Variants in ASIC2 observed in about 807,000 individuals in gnomAD.
ASIC2 encodes the protein acid-sensing ion channel 2.
In ASIC2, 25 loss-of-function variants were observed where a neutral mutation model predicts 57.3. That is an observed-to-expected ratio of 0.44 (90% confidence interval 0.32 to 0.61). ASIC2 has a LOEUF of 0.61. ASIC2 is among the 20% of genes least tolerant of loss of function. ASIC2 has a pLI of 0.06. For synonymous variants in ASIC2, 319 were observed against 307.5 expected, an observed-to-expected ratio of 1.04 and a Z score of -0.39; for missense variants, 641 against 738.1, an observed-to-expected ratio of 0.87 and a Z score of 1.52.
At chr17:33,369,822 C>T (rs1328025621) in intron 1 of ASIC2, among the ~76,000 whole-genome samples, 1 of 152,120 alleles carries the variant, frequency 6.6e-6, no homozygotes, top group African/African-American at 2.4e-5. Flanking sequence ...TGAGTTATGC[C>T]TCTTCTGTGA....
chr17:33,061,147 C>T (rs1369003415), intron 3 of ASIC2, among the ~76,000 whole-genome samples: 1 of 152,136 alleles, frequency 6.6e-6, no homozygotes, highest in Non-Finnish European at 1.5e-5. Flanking sequence ...ATTGAATACC[C>T]TTTATTTCTT....
At chr17:34,138,939 T>C (rs1027003465) in intron 1 of ASIC2, among the ~76,000 whole-genome samples, 6 of 152,244 alleles carry the variant, frequency 3.9e-5, no homozygotes, top group Admixed American at 2.6e-4. Context: ...CTTGCTTACA[T>C]AGGAGGAACT....
At chr17:33,154,691 A>G (rs1904929923) in intron 1 of ASIC2, among the ~76,000 whole-genome samples, 1 of 152,218 alleles carries the variant, frequency 6.6e-6, no homozygotes, top group South Asian at 2.1e-4. Context: ...ACACAGCTGT[A>G]GGTAACTAAG....
intron 1 of ASIC2, among the ~76,000 whole-genome samples, chr17:33,415,918 G>A (rs187495484): frequency 1.8e-4 from 27 of 152,300 alleles, no homozygotes; most frequent in Admixed American, 5.2e-4. Context: ...TGGGCCTGGC[G>A]GAGGCAGTGG....
intron 1 of ASIC2, among the ~76,000 whole-genome samples, chr17:33,442,739 C>CTT (rs1911869769): frequency 6.7e-6 from 1 of 150,186 alleles, no homozygotes. Flanking sequence ...GTTTTTTTTT[C>CTT]TCTGTGTTTC....
chr17:33,335,751 T>C (rs1245247308), intron 1 of ASIC2, among the ~76,000 whole-genome samples: 1 of 152,298 alleles, frequency 6.6e-6, no homozygotes, highest in East Asian at 1.9e-4. Context: ...AACGTGAGGA[T>C]GTCCGAGGTC....
At chr17:33,787,267 T>A (rs926151794) in intron 1 of ASIC2, among the ~76,000 whole-genome samples, 13 of 152,366 alleles carry the variant, frequency 8.5e-5, no homozygotes, top group Non-Finnish European at 1.6e-4. Flanking sequence ...TATTACTACC[T>A]TTTTGGAGGC....
intron 1 of ASIC2, among the ~76,000 whole-genome samples, chr17:33,136,663 C>T (rs1263403745): frequency 6.6e-6 from 1 of 152,180 alleles, no homozygotes; most frequent in Non-Finnish European, 1.5e-5. Context: ...GAAGAAGGGG[C>T]AAAATACTTA....
intron 1 of ASIC2, among the ~76,000 whole-genome samples, chr17:33,498,646 CA>C (rs761603298): frequency 3.9e-5 from 6 of 152,204 alleles, no homozygotes; most frequent in Non-Finnish European, 8.8e-5. Flanking sequence ...CTGGTCCCGG[CA>C]CTGCGCTGGG....
At chr17:33,249,526 G>C (rs893224615) in intron 1 of ASIC2, among the ~76,000 whole-genome samples, 1 of 152,172 alleles carries the variant, frequency 6.6e-6, no homozygotes, top group East Asian at 1.9e-4. Context: ...GTCTCCGCAG[G>C]AGTGAGCCCT....
At chr17:33,598,067 A>G (rs1310163150) in intron 1 of ASIC2, among the ~76,000 whole-genome samples, 1 of 152,186 alleles carries the variant, frequency 6.6e-6, no homozygotes, top group Non-Finnish European at 1.5e-5. Flanking sequence ...AAAAGAAGAA[A>G]CCACAATGAC....
chr17:33,642,303 C>CAGAG (rs1037742330), intron 1 of ASIC2, among the ~76,000 whole-genome samples: 13 of 151,310 alleles, frequency 8.6e-5, no homozygotes, highest in Non-Finnish European at 1.9e-4. Context: ...AGGCAAGGGG[C>CAGAG]AGAGGACACT....
intron 8 of ASIC2, among the ~76,000 whole-genome samples, chr17:33,016,580 G>A (rs2091806907): frequency 6.6e-6 from 1 of 152,112 alleles, no homozygotes; most frequent in Non-Finnish European, 1.5e-5. Flanking sequence ...AATAAACAAA[G>A]CAGAATAAAA....
At chr17:33,576,201 T>C (rs1013071781) in intron 1 of ASIC2, among the ~76,000 whole-genome samples, 1 of 152,184 alleles carries the variant, frequency 6.6e-6, no homozygotes, top group African/African-American at 2.4e-5. Context: ...CTGTTGTGCA[T>C]GACTAGATCG....
chr17:33,219,599 C>T (rs185800683), intron 1 of ASIC2, among the ~76,000 whole-genome samples: 14 of 152,234 alleles, frequency 9.2e-5, no homozygotes, highest in African/African-American at 2.6e-4. Flanking sequence ...CTTTAAAGCC[C>T]GTAGTCTTAA....
At chr17:33,463,120 G>A (rs544185412) in intron 1 of ASIC2, among the ~76,000 whole-genome samples, 59 of 152,260 alleles carry the variant, frequency 3.9e-4, no homozygotes, top group African/African-American at 1.4e-3. Flanking sequence ...TTGAATTATA[G>A]TCTCAGATTG....
intron 1 of ASIC2, among the ~76,000 whole-genome samples, chr17:33,746,273 C>A (rs868428401): frequency 2.7e-5 from 4 of 149,772 alleles, no homozygotes; most frequent in Non-Finnish European, 5.9e-5. Flanking sequence ...TATATACATA[C>A]GTGTACATGT....
intron 1 of ASIC2, among the ~76,000 whole-genome samples, chr17:33,600,684 C>A (rs1244946948): frequency 1.3e-5 from 2 of 152,034 alleles, no homozygotes. Flanking sequence ...TAAATAACTA[C>A]CACATGCTTA....
chr17:33,103,596 G>T (rs977492631), intron 2 of ASIC2, among the ~76,000 whole-genome samples: 46 of 152,074 alleles, frequency 3.0e-4, no homozygotes, highest in Non-Finnish European at 1.3e-4. Flanking sequence ...CTCCTCAAGG[G>T]ACTTCATTCT....
Sources: gnomAD v4.1 joint callset for allele counts (sites outside exome capture counted in the v4.1 genomes callset) on GRCh38, gnomAD v4.1.1 for gene constraint, MANE v1.5 for transcripts, NCBI Gene and HGNC (gene_info 2026-07-23, HGNC 2026-07-21) for gene names.